TMEM132D: variants seen among roughly 807,000 people sequenced by gnomAD.
The protein encoded by TMEM132D is transmembrane protein 132D, also known as mature OL transmembrane protein.
A neutral mutation model predicts 62.3 loss-of-function variants in TMEM132D; 21 were observed. That is an observed-to-expected ratio of 0.34 (90% CI 0.24 to 0.49). The LOEUF (loss-of-function observed/expected upper bound fraction) is 0.49. Ranked by LOEUF, TMEM132D falls within the 20% of genes least tolerant of loss-of-function variation. The probability of loss-of-function intolerance (pLI) is 0.99; values close to 1 mark genes in which losing one functional copy is unlikely to be tolerated. For synonymous variants in TMEM132D, 621 were observed against 575.6 expected (o/e 1.08, Z -1.13); for missense variants, 1,346 against 1,402.8 (o/e 0.96, Z 0.65).
intron 4 of TMEM132D, among the ~76,000 whole-genome samples, chr12:129,244,316 G>A (rs1171932956): frequency 3.3e-5 from 5 of 150,460 alleles, no homozygotes; most frequent in Non-Finnish European, 7.4e-5. Context: ...AGCCCGGGAG[G>A]CGGAGCTTGC....
intron 5 of TMEM132D, among the ~76,000 whole-genome samples, chr12:129,107,853 ATT>A (rs1233632062): frequency 8.8e-5 from 7 of 79,196 alleles, no homozygotes; most frequent in African/African-American, 1.2e-4. Context: ...CACCTGGCTA[ATT>A]TTTTTTTTTT....
intron 5 of TMEM132D, among the ~76,000 whole-genome samples, chr12:129,138,577 C>T (rs934391537): frequency 3.9e-5 from 6 of 152,056 alleles, no homozygotes; most frequent in South Asian, 2.1e-4. Flanking sequence ...AAAAATTAGC[C>T]GGGTGTGGTG....
chr12:129,232,101 C>G (rs1168941216), intron 4 of TMEM132D, among the ~76,000 whole-genome samples: 2 of 152,214 alleles, frequency 1.3e-5, no homozygotes, highest in Admixed American at 6.5e-5. Context: ...GTCTCACACT[C>G]TGATTCTGAA....
intron 2 of TMEM132D, among the ~76,000 whole-genome samples, chr12:129,596,529 C>T (rs79301216): frequency 2.6e-5 from 4 of 152,096 alleles, no homozygotes; most frequent in Admixed American, 6.5e-5. Flanking sequence ...TCTGAGGATG[C>T]TCATGTCCCT....
intron 3 of TMEM132D, among the ~76,000 whole-genome samples, chr12:129,508,794 G>C (rs919805671): frequency 6.6e-6 from 1 of 152,050 alleles, no homozygotes; most frequent in African/African-American, 2.4e-5. Context: ...GGTGAATGCT[G>C]GGTCTAAGGG....
chr12:129,596,029 A>G (rs975571879), intron 2 of TMEM132D, among the ~76,000 whole-genome samples: 3 of 152,256 alleles, frequency 2.0e-5, no homozygotes, highest in Non-Finnish European at 2.9e-5. Context: ...AGTCCTGGCT[A>G]GAGTTTGAAG....
chr12:129,861,973 G>T (rs952117590), intron 1 of TMEM132D, among the ~76,000 whole-genome samples: 2 of 151,680 alleles, frequency 1.3e-5, no homozygotes, highest in African/African-American at 4.8e-5. Context: ...ACACACAAGG[G>T]TCATATACCT....
chr12:129,331,501 A>G (rs1254978188), intron 4 of TMEM132D, among the ~76,000 whole-genome samples: 1 of 152,208 alleles, frequency 6.6e-6, no homozygotes, highest in East Asian at 1.9e-4. Flanking sequence ...GTCATAGCTG[A>G]GACCCAAAGC....
chr12:129,139,454 C>T (rs1414663552), intron 5 of TMEM132D, among the ~76,000 whole-genome samples: 1 of 152,198 alleles, frequency 6.6e-6, no homozygotes, highest in Non-Finnish European at 1.5e-5. Flanking sequence ...TGAACATCAA[C>T]CTTGCTCATA....
chr12:129,711,456 T>G (rs1881642530), intron 1 of TMEM132D, among the ~76,000 whole-genome samples: 1 of 152,216 alleles, frequency 6.6e-6, no homozygotes, highest in Non-Finnish European at 1.5e-5. Context: ...CCAGGCACAG[T>G]GGCTCACGCC....
Position 129,497,387 on chromosome 12 carries a change from A to G in TMEM132D, c.1115+33672T>C, listed in dbSNP as rs1189023824. The stretch of plus-strand genomic sequence containing the variant: ...AATTCCTTTGAAACTCTAGCTTGTG[A>G]TAAGTGGCCCCTGCTCCACGACTCC... On this transcript the variant is annotated intron_variant, in intron 3 of 8. Coordinates refer to ENST00000422113, the MANE Select transcript of TMEM132D (RefSeq NM_133448.3). Among the ~76,000 whole-genome samples the G allele has an allele frequency of 3.9e-5, 6 of 152,290 alleles. No individual in the cohort carries two copies. The South Asian group carries it at 1.2e-3, about 32-fold the overall frequency.
At chr12:129,852,245 T>G (rs1212514373) in intron 1 of TMEM132D, 2 of 152,148 alleles carry the variant, frequency 1.3e-5, no homozygotes, top group African/African-American at 2.4e-5. Context: ...TTTTTATCCA[T>G]AGAAATACAC....
At chr12:129,218,818 C>A (rs2135572363) in intron 4 of TMEM132D, among the ~76,000 whole-genome samples, 1 of 152,278 alleles carries the variant, frequency 6.6e-6, no homozygotes, top group Non-Finnish European at 1.5e-5. Context: ...ACAAGTTAAT[C>A]TCTTTGCAGG....
intron 1 of TMEM132D, among the ~76,000 whole-genome samples, chr12:129,814,611 C>CAAAA (rs34979485): frequency 0.092 from 8,638 of 94,214 alleles, 442 homozygotes; most frequent in African/African-American, 0.12. Context: ...AACTCCCTCT[C>CAAAA]AAAAAAAAAA....
At chr12:129,611,731 A>G (rs1260134017) in intron 2 of TMEM132D, among the ~76,000 whole-genome samples, 4 of 152,170 alleles carry the variant, frequency 2.6e-5, no homozygotes, top group Non-Finnish European at 5.9e-5. Flanking sequence ...ACTAGAGATA[A>G]TTCATCATTG....
chr12:129,163,950 T>C (rs1321535846), intron 5 of TMEM132D, among the ~76,000 whole-genome samples: 2 of 152,232 alleles, frequency 1.3e-5, no homozygotes, highest in Non-Finnish European at 2.9e-5. Flanking sequence ...GGATGGAAGT[T>C]GATACCAAAT....
At chr12:129,804,408 T>A (rs923042088) in intron 1 of TMEM132D, among the ~76,000 whole-genome samples, 10 of 127,100 alleles carry the variant, frequency 7.9e-5, no homozygotes, top group African/African-American at 2.9e-4. Context: ...ATAAATGTAA[T>A]CCAGCATATA....
intron 2 of TMEM132D, among the ~76,000 whole-genome samples, chr12:129,664,280 G>T (rs188533589): frequency 1.3e-4 from 20 of 152,276 alleles, no homozygotes; most frequent in Non-Finnish European, 1.8e-4. Flanking sequence ...GGCAAGTGAA[G>T]AATCCCACCT....
chr12:129,335,781 G>C (rs577957669), intron 4 of TMEM132D, among the ~76,000 whole-genome samples: 1 of 152,284 alleles, frequency 6.6e-6, no homozygotes, highest in East Asian at 1.9e-4. Flanking sequence ...TAAAAAAGTA[G>C]GTTTCTCAGC....
Sources: allele counts gnomAD v4.1 joint callset (sites outside exome capture counted in the v4.1 genomes callset), GRCh38; gene constraint gnomAD v4.1.1; transcripts MANE v1.5; gene names NCBI Gene and HGNC (gene_info 2026-07-23, HGNC 2026-07-21).